Variants in TMEM14C observed in about 807,000 individuals in gnomAD.
TMEM14C encodes the protein transmembrane protein 14C.
In TMEM14C, 13 loss-of-function variants were observed where a neutral mutation model predicts 14.8. That is an observed-to-expected ratio of 0.88 (90% CI 0.57 to 1.40). The LOEUF (loss-of-function observed/expected upper bound fraction) is 1.40. Ranked by LOEUF, TMEM14C falls within the 40% of genes most tolerant of loss-of-function variation. The pLI, the probability that TMEM14C is intolerant of heterozygous loss-of-function variation, is 0.00. For synonymous variants in TMEM14C, 57 were observed against 51.3 expected (o/e 1.11, Z -0.48); for missense variants, 142 against 138.8 (o/e 1.02, Z -0.12).
In TMEM14C at chr6:10,730,989, C is replaced by A; in HGVS notation, c.*323C>A. The A allele has an allele frequency of 9.8e-7, 1 of 1,022,802 alleles. No homozygotes were observed. Among genetic ancestry groups the A allele is most frequent in the Non-Finnish European group, 1.2e-6 (1 of 854,538 alleles). 63.4% of individuals were successfully genotyped at this position (1,022,802 alleles called of 1,614,324 possible). On this transcript the variant is annotated 3_prime_UTR_variant, in exon 6 of 6. Transcript: ENST00000229563. ...GCTTTCAGGGCTCTGAAACCCCATTCCCTGCTCTGAGGAACAGTGTGAAAA... is the reference window on the plus strand; with the variant it reads ...GCTTTCAGGGCTCTGAAACCCCATTACCTGCTCTGAGGAACAGTGTGAAAA...
intron 5 of TMEM14C, among the ~76,000 whole-genome samples, chr6:10,729,978 A>G (rs1314003633): frequency 1.3e-5 from 2 of 152,106 alleles, no homozygotes; most frequent in African/African-American, 4.8e-5. Flanking sequence ...CACACCTGTA[A>G]TCACAGCTAC....
chr6:10,724,097 A>C (rs1770778421), intron 1 of TMEM14C, among the ~76,000 whole-genome samples: 1 of 152,228 alleles, frequency 6.6e-6, no homozygotes, highest in Non-Finnish European at 1.5e-5. Context: ...AGTTGGACGC[A>C]GAAGTTTCTA....
At chr6:10,729,131 A>AT (rs1184202174) in intron 5 of TMEM14C, among the ~76,000 whole-genome samples, 2 of 152,048 alleles carry the variant, frequency 1.3e-5, no homozygotes, top group Non-Finnish European at 2.9e-5. Context: ...CCTGTTTTCT[A>AT]TTTTTTGTTG....
At chr6:10,725,122 T>C (rs1770818692) in intron 3 of TMEM14C, 85 bp downstream of exon 3, 1 of 1,541,754 alleles carries the variant, frequency 6.5e-7, no homozygotes, top group Non-Finnish European at 9.0e-7. Context: ...AGAAGCAATC[T>C]CATTTGAGTC....
In TMEM14C at chr6:10,730,927, C is replaced by T; in HGVS notation, c.*261C>T. The T allele has an allele frequency of 9.1e-7, 1 of 1,101,772 alleles. No individual in the cohort carries two copies. The highest frequency in any genetic ancestry group is 1.1e-6 in the Non-Finnish European group (1 of 904,454). The allele number at this position is 1,101,772 out of a possible 1,614,324, so 68.2% of individuals were successfully genotyped here. A position where few individuals can be genotyped will look rare whatever the true frequency, so the allele number is the denominator to read the frequency against. On this transcript the variant is annotated 3_prime_UTR_variant, in exon 6 of 6. Coordinates refer to ENST00000229563, the MANE Select transcript of TMEM14C (RefSeq NM_016462.4). ...TTGATGTTGTCTTTTCTTTCTGTAT[C>T]TGTAGGTAAATCTCAAGGGTAAAAT... is the stretch of plus-strand genomic sequence containing the variant.
intron 5 of TMEM14C, chr6:10,728,973 C>T: frequency 1.2e-6 from 1 of 826,974 alleles, no homozygotes; most frequent in Non-Finnish European, 1.8e-6. Flanking sequence ...CATCCAAACT[C>T]CTCCCTATAT....
intron 5 of TMEM14C, among the ~76,000 whole-genome samples, chr6:10,729,588 C>T (rs1205531038): frequency 6.6e-6 from 1 of 152,008 alleles, no homozygotes; most frequent in Non-Finnish European, 1.5e-5. Context: ...ACCATCCTGG[C>T]CAACATTGCG....
intron 1 of TMEM14C, among the ~76,000 whole-genome samples, chr6:10,724,152 G>C (rs542806305): frequency 1.3e-5 from 2 of 152,310 alleles, no homozygotes; most frequent in East Asian, 3.9e-4. Flanking sequence ...GGGATGAAAA[G>C]CAACACCCCT....
chr6:10,723,360 G>T (rs1770745907), intron 1 of TMEM14C, 119 bp downstream of exon 1: 1 of 152,278 alleles, frequency 6.6e-6, no homozygotes, highest in Admixed American at 6.5e-5. Context: ...CAGGCCGTGT[G>T]GTCGGTGCTT....
Position 10,730,681 on chromosome 6 carries a change from C to CAG in TMEM14C, c.*16_*17dup. The CAG allele has an allele frequency of 2.5e-6, 4 of 1,588,050 alleles. No individual in the cohort carries two copies. Among genetic ancestry groups the CAG allele is most frequent in the Non-Finnish European group, 3.4e-6 (4 of 1,163,858 alleles). On this transcript the variant is annotated 3_prime_UTR_variant, in exon 6 of 6. Coordinates refer to ENST00000229563, the MANE Select transcript of TMEM14C (RefSeq NM_016462.4). Reference sequence around the variant, plus strand: ...GACCCCATTAGCAGAAGTCATGTTCCAGCTTAGACTGATGAAGAATTAAAA... The same window carrying CAG: ...GACCCCATTAGCAGAAGTCATGTTCCAGAGCTTAGACTGATGAAGAATTAAAA...
chr6:10,728,626 A>G lies in TMEM14C; in HGVS notation c.200-14A>G, dbSNP rs1561905820. The G allele has an allele frequency of 2.5e-6, 4 of 1,613,402 alleles. No homozygotes were observed. Among genetic ancestry groups the G allele is most frequent in the Non-Finnish European group, 3.4e-6 (4 of 1,179,750 alleles). On this transcript the variant is annotated splice_polypyrimidine_tract_variant and intron_variant, in intron 4 of 5. Transcript: ENST00000229563. ...GTAATGAGTTTTAACACTTCTTTAT[A>G]TGTTTTTCATCAGCTACATCTGGTA...
Position 10,731,037 on chromosome 6 carries a change from A to G in TMEM14C, c.*371A>G, listed in dbSNP as rs1771009131. ...AAAAAAGTCTTTTAGGAGATTTACA[A>G]TATCTGTTCTTTTGCTCATCTTAGA... On this transcript the variant is annotated 3_prime_UTR_variant, in exon 6 of 6. Coordinates refer to ENST00000229563, the MANE Select transcript of TMEM14C (RefSeq NM_016462.4). The G allele has an allele frequency of 4.0e-6, 4 of 992,148 alleles. No individual in the cohort carries two copies. The highest frequency in any genetic ancestry group is 4.8e-6 in the Non-Finnish European group (4 of 834,390). The allele number at this position is 992,148 out of a possible 1,614,324, so 61.5% of individuals were successfully genotyped here. A position where few individuals can be genotyped will look rare whatever the true frequency, so the allele number is the denominator to read the frequency against.
At chr6:10,729,717 A>G (rs1013005367) in intron 5 of TMEM14C, among the ~76,000 whole-genome samples, 6 of 152,146 alleles carry the variant, frequency 3.9e-5, no homozygotes, top group African/African-American at 1.4e-4. Flanking sequence ...AGCGGAGATT[A>G]CAGTGAGCTG....
chr6:10,726,119 A>G (rs1225677052), intron 4 of TMEM14C, 111 bp downstream of exon 4: 6 of 1,179,598 alleles, frequency 5.1e-6, no homozygotes, highest in African/African-American at 4.5e-5. Flanking sequence ...ACTTACGACA[A>G]TTTCACTGCT....
At chr6:10,728,374 A>C (rs969814691) in intron 4 of TMEM14C, among the ~76,000 whole-genome samples, 42 of 152,298 alleles carry the variant, frequency 2.8e-4, no homozygotes, top group African/African-American at 8.4e-4. Context: ...TTGATGGCTA[A>C]AGTGTGGGTT....
At chr6:10,726,228 A>G (rs1014486401) in intron 4 of TMEM14C, among the ~76,000 whole-genome samples, 2 of 152,208 alleles carry the variant, frequency 1.3e-5, no homozygotes, top group African/African-American at 4.8e-5. Context: ...AAGGATTTTC[A>G]TAGCTCGTGA....
intron 1 of TMEM14C, chr6:10,724,298 G>T: frequency 3.2e-6 from 1 of 315,708 alleles, no homozygotes; most frequent in Non-Finnish European, 5.9e-6. Context: ...AGTGGATCTT[G>T]CTGAGTTTCC....
intron 1 of TMEM14C, among the ~76,000 whole-genome samples, chr6:10,723,916 C>G (rs1301786003): frequency 6.6e-6 from 1 of 152,142 alleles, no homozygotes; most frequent in Non-Finnish European, 1.5e-5. Flanking sequence ...ATTCTTTAAA[C>G]AGAATAAACG....
intron 2 of TMEM14C, 73 bp from the exon 3 acceptor site, chr6:10,724,888 A>G: frequency 6.5e-7 from 1 of 1,544,102 alleles, no homozygotes. Flanking sequence ...ATTACCTTTT[A>G]GTCCCATCCT....
Sources: allele counts gnomAD v4.1 joint callset (sites outside exome capture counted in the v4.1 genomes callset), GRCh38; gene constraint gnomAD v4.1.1; transcripts MANE v1.5; gene names NCBI Gene and HGNC (gene_info 2026-07-23, HGNC 2026-07-21).